RUNX1: variants seen among roughly 807,000 people sequenced by gnomAD.
RUNX1 encodes runt-related transcription factor 1.
RUNX1 carries 19 observed loss-of-function variants against 42.8 expected under a neutral mutation model. That is an observed-to-expected ratio of 0.44 (90% confidence interval 0.31 to 0.65). RUNX1 has a LOEUF of 0.65. Among genes scored for constraint, RUNX1 ranks in the 30% least tolerant of loss-of-function variants. The probability of loss-of-function intolerance (pLI) is 0.07; values close to 1 mark genes in which losing one functional copy is unlikely to be tolerated. For synonymous variants in RUNX1, 271 were observed against 289.4 expected, an observed-to-expected ratio of 0.94 and a Z score of 0.64; for missense variants, 528 against 672.0, an observed-to-expected ratio of 0.79 and a Z score of 2.37.
At chr21:34,987,626 C>T (rs2058901073) in intron 2 of RUNX1, among the ~76,000 whole-genome samples, 3 of 152,034 alleles carry the variant, frequency 2.0e-5, no homozygotes, top group Admixed American at 2.0e-4. Context: ...GTTAGGAGGC[C>T]TCCTTTGAAG....
chr21:34,888,920 G>A (rs1246191680), intron 3 of RUNX1, among the ~76,000 whole-genome samples: 3 of 151,498 alleles, frequency 2.0e-5, no homozygotes, highest in East Asian at 1.9e-4. Flanking sequence ...CCACCCCCGC[G>A]CCCCGCATCC....
chr21:34,950,504 C>T (rs1184134187), intron 2 of RUNX1, among the ~76,000 whole-genome samples: 1 of 152,070 alleles, frequency 6.6e-6, no homozygotes, highest in Non-Finnish European at 1.5e-5. Context: ...TTTGGGAGGC[C>T]GAGGCAGGTG....
At chr21:34,878,401 C>T (rs905253312) in intron 5 of RUNX1, among the ~76,000 whole-genome samples, 4 of 149,028 alleles carry the variant, frequency 2.7e-5, no homozygotes, top group Non-Finnish European at 3.0e-5. Context: ...ATATATACAT[C>T]TCAAGACCAA....
chr21:34,943,013 C>T (rs1239276764), intron 2 of RUNX1, among the ~76,000 whole-genome samples: 2 of 152,214 alleles, frequency 1.3e-5, no homozygotes, highest in African/African-American at 4.8e-5. Context: ...GCCTTGGCAG[C>T]TTTTAACCCG....
intron 2 of RUNX1, among the ~76,000 whole-genome samples, chr21:34,951,171 CAG>C (rs1366851336): frequency 6.6e-6 from 1 of 152,150 alleles, no homozygotes; most frequent in Non-Finnish European, 1.5e-5. Flanking sequence ...CATGGTGACT[CAG>C]ATGTTTTGAA....
intron 7 of RUNX1, among the ~76,000 whole-genome samples, chr21:34,809,905 G>GAT (rs2056736130): frequency 6.6e-6 from 1 of 152,208 alleles, no homozygotes; most frequent in Non-Finnish European, 1.5e-5. Context: ...ATGAGTTGTC[G>GAT]ATATTGGAGA....
intron 6 of RUNX1, 48 bp from the exon 7 acceptor site, chr21:34,834,649 G>A: frequency 1.5e-6 from 2 of 1,351,350 alleles, no homozygotes; most frequent in Non-Finnish European, 2.1e-6. Context: ...GGGAAGGAGG[G>A]AGGGAAGAGA....
intron 4 of RUNX1, among the ~76,000 whole-genome samples, chr21:34,881,274 A>G (rs1280732798): frequency 6.6e-6 from 1 of 152,206 alleles, no homozygotes; most frequent in African/African-American, 2.4e-5. Context: ...TTAGAAAATA[A>G]AACAAAACAA....
intron 6 of RUNX1, among the ~76,000 whole-genome samples, chr21:34,835,215 C>A (rs951359453): frequency 6.6e-6 from 1 of 152,160 alleles, no homozygotes; most frequent in African/African-American, 2.4e-5. Flanking sequence ...CCTCTCCTCA[C>A]AGGCTTTTCA....
intron 2 of RUNX1, among the ~76,000 whole-genome samples, chr21:35,005,128 G>GTT (rs11324084): frequency 6.8e-6 from 1 of 147,234 alleles, no homozygotes; most frequent in East Asian, 2.0e-4. Context: ...CAGAAATCAT[G>GTT]TTTTTTTTTT....
chr21:34,846,840 G>T (rs766828275), intron 6 of RUNX1, among the ~76,000 whole-genome samples: 1 of 152,198 alleles, frequency 6.6e-6, no homozygotes, highest in Admixed American at 6.5e-5. Context: ...TTTCTCTGAA[G>T]CTGCTCCCGG....
intron 2 of RUNX1, among the ~76,000 whole-genome samples, chr21:34,953,730 A>G (rs1050832967): frequency 5.3e-5 from 8 of 152,232 alleles, no homozygotes; most frequent in African/African-American, 1.9e-4. Context: ...ATTAGTCTTT[A>G]GGAAAGACAA....
At position 34,880,425 on chromosome 21, in the gene RUNX1, C is replaced by G. The variant is rs149256714; in HGVS notation, c.508+132G>C. The G allele has an allele frequency of 5.9e-4, 475 of 806,704 alleles. 2 individuals carry two copies. In the African/African-American group the frequency reaches 7.4e-3, roughly 13 times the overall value. The allele number at this position is 806,704 out of a possible 1,614,324, so 50.0% of individuals were successfully genotyped here. On this transcript the variant is annotated intron_variant, in intron 5 of 8. Transcript: ENST00000675419. ...AACTTCAAATAAATATTTTTAAGAGCTTGACATAGCAATAAGAATGTTAAG... is the reference window on the plus strand; with the variant it reads ...AACTTCAAATAAATATTTTTAAGAGGTTGACATAGCAATAAGAATGTTAAG...
At chr21:34,953,855 A>C (rs1384218302) in intron 2 of RUNX1, among the ~76,000 whole-genome samples, 2 of 152,232 alleles carry the variant, frequency 1.3e-5, no homozygotes, top group Non-Finnish European at 2.9e-5. Flanking sequence ...GCTAAGAAGA[A>C]GGTATCAAGA....
intron 2 of RUNX1, among the ~76,000 whole-genome samples, chr21:35,044,166 C>A (rs1245989242): frequency 1.3e-5 from 2 of 152,196 alleles, no homozygotes; most frequent in South Asian, 2.1e-4. Flanking sequence ...GACTGAGTTA[C>A]CCACTGCTGT....
rs1208519716 is a variant in RUNX1, at chr21:34,843,246, CAT to C, written c.614-8647_614-8646del. Among the ~76,000 whole-genome samples the C allele has an allele frequency of 1.3e-5, 2 of 151,952 alleles. No homozygotes were observed. The highest frequency in any genetic ancestry group is 4.8e-5 in the African/African-American group (2 of 41,338). On this transcript the variant is annotated intron_variant, in intron 6 of 8. Coordinates refer to ENST00000675419, the MANE Select transcript of RUNX1 (RefSeq NM_001754.5). The surrounding 1 kb of genome is among the most constrained non-coding windows in gnomAD (Gnocchi z 4.8). ...TATAAAACACACATGGGGATACACA[CAT>C]ATAAATACACACAGACACATGTACA...
rs115055999 is a variant in RUNX1 at position 34,819,856 on chromosome 21, C to T, written c.805+14554G>A. 4.3e-3 allele frequency among the ~76,000 whole-genome samples: 648 copies of T among 152,346 alleles called. 4 individuals carry two copies. Among genetic ancestry groups the T allele is most frequent in the African/African-American group, 0.015 (620 of 41,588 alleles). On this transcript the variant is annotated intron_variant, in intron 7 of 8. Transcript: ENST00000675419. ...CTGTCACACTCGCACACCTGTTTGC[C>T]ATCCTGCTTCTGGCCCGCCAGCCCA...
chr21:34,869,365 G>C (rs931262857), intron 5 of RUNX1, among the ~76,000 whole-genome samples: 1 of 152,138 alleles, frequency 6.6e-6, no homozygotes, highest in African/African-American at 2.4e-5. Flanking sequence ...ACTGAGGCTG[G>C]CACATCTGAG....
chr21:34,889,548 G>T (rs2058051477), intron 3 of RUNX1: 1 of 542,602 alleles, frequency 1.8e-6, no homozygotes, highest in Non-Finnish European at 2.4e-6. Flanking sequence ...CCCGGGCCTT[G>T]TAGCGCCGGC....
Sources: gnomAD v4.1 joint callset for allele counts (sites outside exome capture counted in the v4.1 genomes callset) on GRCh38, gnomAD v4.1.1 for gene constraint, Gnocchi (gnomAD v3.1) non-coding constraint, MANE v1.5 for transcripts, NCBI Gene and HGNC (gene_info 2026-07-23, HGNC 2026-07-21) for gene names.